Variants in WDFY3 observed in about 807,000 individuals in gnomAD.
WDFY3 encodes the protein WD repeat and FYVE domain-containing protein 3.
A neutral mutation model predicts 409.6 loss-of-function variants in WDFY3; 66 were observed. That is an observed-to-expected ratio of 0.16 (90% CI 0.13 to 0.20). WDFY3 has a LOEUF of 0.20. Among genes scored for constraint, WDFY3 ranks in the 10% least tolerant of loss-of-function variants. WDFY3 has a pLI of 1.00. For missense variants in WDFY3, 3,031 were observed against 4,298.1 expected (o/e 0.71, Z 8.24); for synonymous variants, 1,521 against 1,537.1 (o/e 0.99, Z 0.25).
intron 10 of WDFY3, among the ~76,000 whole-genome samples, chr4:84,825,578 T>G (rs1458109487): frequency 6.6e-6 from 1 of 152,116 alleles, no homozygotes; most frequent in Non-Finnish European, 1.5e-5. Context: ...GATTTCTCCC[T>G]ATTTACTGCA....
intron 55 of WDFY3, among the ~76,000 whole-genome samples, chr4:84,703,154 A>T (rs1242147005): frequency 1.3e-5 from 2 of 152,114 alleles, no homozygotes; most frequent in African/African-American, 2.4e-5. Flanking sequence ...TGATGATGCC[A>T]TCACAAGAAA....
intron 50 of WDFY3, among the ~76,000 whole-genome samples, chr4:84,714,253 G>A (rs1244964836): frequency 3.3e-5 from 5 of 152,024 alleles, no homozygotes; most frequent in Non-Finnish European, 1.5e-5. Flanking sequence ...GCCATTACAG[G>A]CATGTGCCAC....
At chr4:84,684,146 G>A (rs549702092) in intron 62 of WDFY3, 21 bp from the exon 63 acceptor site, 224 of 1,520,046 alleles carry the variant, frequency 1.5e-4, no homozygotes, top group South Asian at 1.3e-3. Context: ...AGAGAAAAAC[G>A]TCATTCTCTT....
chr4:84,922,826 C>A (rs1769464577), intron 2 of WDFY3, among the ~76,000 whole-genome samples: 1 of 152,186 alleles, frequency 6.6e-6, no homozygotes, highest in Admixed American at 6.5e-5. Flanking sequence ...TGCCAGTGAT[C>A]CCCCTGCCTC....
At chr4:84,810,672 T>G (rs1013769211) in intron 13 of WDFY3, among the ~76,000 whole-genome samples, 1 of 152,166 alleles carries the variant, frequency 6.6e-6, no homozygotes, top group African/African-American at 2.4e-5. Flanking sequence ...GTAAAATATA[T>G]CTTCTAGTCT....
intron 15 of WDFY3, among the ~76,000 whole-genome samples, chr4:84,806,823 T>G (rs2149698345): frequency 6.6e-6 from 1 of 152,180 alleles, no homozygotes; most frequent in South Asian, 2.1e-4. Flanking sequence ...GTTGCCAGGC[T>G]GGTCTTAAAC....
chr4:84,901,210 C>T (rs1181041364), intron 2 of WDFY3, among the ~76,000 whole-genome samples: 1 of 152,216 alleles, frequency 6.6e-6, no homozygotes, highest in Admixed American at 6.5e-5. Flanking sequence ...TTAATGCCAT[C>T]TGCTATGGTT....
intron 55 of WDFY3, 81 bp downstream of exon 55, chr4:84,704,257 G>T: frequency 9.8e-7 from 1 of 1,017,614 alleles, no homozygotes; most frequent in Non-Finnish European, 1.4e-6. Flanking sequence ...TATAATAGAA[G>T]ATAATGATGT....
At chr4:84,893,974 G>GC in intron 3 of WDFY3, among the ~76,000 whole-genome samples, 1 of 150,816 alleles carries the variant, frequency 6.6e-6, no homozygotes, top group South Asian at 2.1e-4. Flanking sequence ...GGGCGACAGA[G>GC]CAAGACTCCG....
chr4:84,808,379 G>A lies in WDFY3; in HGVS notation c.2384C>T (p.Ser795Phe). The change falls in exon 15 of 68, where the codon TCT (serine) becomes TTT (phenylalanine). Residue 795 changes from serine to phenylalanine, a missense_variant. Around this residue, in one of 16 missense-constraint regions of WDFY3, gnomAD observed 1,322 missense variants for 1,697.9 expected, o/e 0.78. Coordinates refer to ENST00000295888, the MANE Select transcript of WDFY3 (RefSeq NM_014991.6). The stretch of plus-strand genomic sequence containing the variant: ...TGTACCCCAAGGAGAGGGGAGAGAA[G>A]ACTCACTTGTCAGGCAAGGAGGGAT... ...EQIPPCLTSESSLPSPWGTPA... is the reference protein window; with the variant it reads ...EQIPPCLTSEFSLPSPWGTPA... The A allele has an allele frequency of 6.2e-7, 1 of 1,613,082 alleles. No individual in the cohort carries two copies. The highest frequency in any genetic ancestry group is 2.2e-5 in the East Asian group (1 of 44,834).
rs1039662784 is a variant in WDFY3, at chr4:84,751,542, C to T, written c.5914G>A (p.Asp1972Asn). The change falls in exon 36 of 68, where the codon GAC (aspartate) becomes AAC (asparagine). Residue 1972 changes from aspartate (D) to asparagine (N), a missense_variant. Coordinates refer to ENST00000295888, the MANE Select transcript of WDFY3 (RefSeq NM_014991.6). ...CTGGCAGGAGTGAGACAGAGGTTGT[C>T]TATGATTAAGACCCGCATGAAGTCA... ...VFDFMRVLII[D>N]NLCLTPASKQ... is the part of the protein sequence containing the mutation. 6.2e-7 allele frequency: 1 copy of T among 1,614,150 alleles called. No homozygotes were observed. The highest frequency in any genetic ancestry group is 8.5e-7 in the Non-Finnish European group (1 of 1,180,038).
rs761837698 is a variant in WDFY3 at position 84,740,333 on chromosome 4, T to G, written c.6318A>C (p.Ala2106=). ...CTACTTGCTGAGGAACGGTTTTGTG[T>G]GCCCGTGAGAACTGGTACAAGATGG... ...NRTILYQFSR[A]HKTVPQQVAL... is the part of the protein sequence containing the mutation. Residue 2106 remains alanine, a synonymous_variant, in exon 39 of 68, where the codon GCA becomes GCC. Coordinates refer to ENST00000295888, the MANE Select transcript of WDFY3 (RefSeq NM_014991.6). 2.5e-6 allele frequency: 4 copies of G among 1,614,122 alleles called. No individual in the cohort carries two copies.
At chr4:84,821,622 A>T in intron 10 of WDFY3, 71 bp from the exon 11 acceptor site, 1 of 1,230,812 alleles carries the variant, frequency 8.1e-7, no homozygotes, top group Non-Finnish European at 1.1e-6. Context: ...TAGTCTGTTT[A>T]AACACATCAT....
At chr4:84,792,777 G>C (rs1402957382) in intron 21 of WDFY3, among the ~76,000 whole-genome samples, 1 of 152,066 alleles carries the variant, frequency 6.6e-6, no homozygotes, top group Non-Finnish European at 1.5e-5. Flanking sequence ...TTAAATTCTA[G>C]GGTGTCTTCA....
chr4:84,763,367 C>T (rs1743042802), intron 32 of WDFY3, among the ~76,000 whole-genome samples: 1 of 151,752 alleles, frequency 6.6e-6, no homozygotes, highest in Non-Finnish European at 1.5e-5. Context: ...ACATCATGCA[C>T]CGGGGTCTGT....
intron 3 of WDFY3, among the ~76,000 whole-genome samples, chr4:84,878,688 G>A (rs1286047029): frequency 2.0e-5 from 3 of 152,136 alleles, no homozygotes; most frequent in African/African-American, 7.2e-5. Flanking sequence ...TGCTTTAAGA[G>A]CATTTTGTAA....
At chr4:84,844,478 A>C (rs971771091) in intron 5 of WDFY3, 2 of 1,289,588 alleles carry the variant, frequency 1.6e-6, no homozygotes, top group East Asian at 1.1e-4. Context: ...TGGCTTTGAA[A>C]TCCTTGGGGG....
chr4:84,959,229 T>C (rs1774617545), intron 1 of WDFY3, among the ~76,000 whole-genome samples: 1 of 152,160 alleles, frequency 6.6e-6, no homozygotes, highest in South Asian at 2.1e-4. Flanking sequence ...AAGAGTTTTT[T>C]ATAGACTGCA....
At chr4:84,698,431 T>C (rs1343485568) in intron 56 of WDFY3, among the ~76,000 whole-genome samples, 3 of 151,622 alleles carry the variant, frequency 2.0e-5, no homozygotes, top group Admixed American at 1.3e-4. Context: ...CGTGCCACCA[T>C]GCCTGGCTAA....
Sources: allele counts gnomAD v4.1 joint callset (sites outside exome capture counted in the v4.1 genomes callset), GRCh38; gene constraint gnomAD v4.1.1; regional missense constraint gnomAD v4.1.1; transcripts MANE v1.5; gene names NCBI Gene and HGNC (gene_info 2026-07-23, HGNC 2026-07-21).